TNKS2: variants seen among roughly 807,000 people sequenced by gnomAD.
The protein encoded by TNKS2 is tankyrase 2.
In TNKS2, 72 loss-of-function variants were observed where a neutral mutation model predicts 137.6. The ratio of observed to expected loss-of-function variants is 0.52; its 90% confidence interval spans 0.43 to 0.64. TNKS2 has a LOEUF of 0.64. Among genes scored for constraint, TNKS2 ranks in the 30% least tolerant of loss-of-function variants. The pLI, the probability that TNKS2 is intolerant of heterozygous loss-of-function variation, is 0.00. For missense variants in TNKS2, 1,049 were observed against 1,410.2 expected (o/e 0.74, Z 4.10); for synonymous variants, 516 against 512.1 (o/e 1.01, Z -0.10).
chr10:91,799,160 C>G (rs1195944370), intron 1 of TNKS2, among the ~76,000 whole-genome samples: 2 of 151,982 alleles, frequency 1.3e-5, no homozygotes, highest in Non-Finnish European at 2.9e-5. Context: ...TTTACAGTAT[C>G]AACAATACCT....
At chr10:91,854,879 CAA>C (rs1010698035) in intron 21 of TNKS2, 148 bp from the exon 22 acceptor site, 1 of 472,798 alleles carries the variant, frequency 2.1e-6, no homozygotes, top group Non-Finnish European at 3.6e-6. Context: ...GCCTGGGCAA[CAA>C]GAGTGAAACT....
rs1842916474 is a variant in TNKS2 at position 91,863,981 on chromosome 10, A to AG, written c.*986dup. The AG allele has an allele frequency of 6.6e-6, 1 of 152,004 alleles. No homozygotes were observed. The highest frequency in any genetic ancestry group is 6.6e-5 in the Admixed American group (1 of 15,252). 9.4% of individuals were successfully genotyped at this position (152,004 alleles called of 1,614,324 possible). A position where few individuals can be genotyped will look rare whatever the true frequency, so the allele number is the denominator to read the frequency against. ...TCTATTCTAATTACCTTAAATCTAA[A>AG]GGGGAAAAAAAAAATCACAAACAGG... On this transcript the variant is annotated 3_prime_UTR_variant, in exon 27 of 27. Transcript: ENST00000371627.
chr10:91,840,939 T>C (rs1842191178), intron 14 of TNKS2, among the ~76,000 whole-genome samples: 1 of 152,216 alleles, frequency 6.6e-6, no homozygotes, highest in South Asian at 2.1e-4. Context: ...GATTATAACA[T>C]TAGTGTGATA....
At chr10:91,841,229 TTTAAA>T (rs1402582110) in intron 14 of TNKS2, 49 bp from the exon 15 acceptor site, 2 of 1,382,208 alleles carry the variant, frequency 1.4e-6, no homozygotes, top group South Asian at 1.7e-5. Flanking sequence ...TATGTAATTA[TTTAAA>T]TTAAAACATG....
In TNKS2 at chr10:91,848,519, C is replaced by T. The variant is rs777990706; in HGVS notation, c.2495C>T (p.Pro832Leu). The part of the protein sequence containing the change: ...ADALSSGPSS[P>L]SSLSAASSLD... ...GCTCTCTCTTCAGGTCCATCTAGCCCATCAAGCCTTTCTGCAGCCAGCAGT... is the reference window on the plus strand; with the variant it reads ...GCTCTCTCTTCAGGTCCATCTAGCCTATCAAGCCTTTCTGCAGCCAGCAGT... The change falls in exon 19 of 27, where the codon CCA (proline) becomes CTA (leucine). Residue 832 changes from proline to leucine, a missense_variant. Coordinates refer to ENST00000371627, the MANE Select transcript of TNKS2 (RefSeq NM_025235.4). 3 of 1,614,142 alleles carry T rather than the reference C, an allele frequency of 1.9e-6. No individual in the cohort carries two copies. Among genetic ancestry groups the T allele is most frequent in the Non-Finnish European group, 1.7e-6 (2 of 1,180,030 alleles).
At chr10:91,814,861 C>T (rs1232691131) in intron 2 of TNKS2, among the ~76,000 whole-genome samples, 1 of 152,182 alleles carries the variant, frequency 6.6e-6, no homozygotes, top group Non-Finnish European at 1.5e-5. Flanking sequence ...GAGTATATCC[C>T]TGTCATTAAG....
intron 1 of TNKS2, among the ~76,000 whole-genome samples, chr10:91,806,269 G>A (rs17107070): frequency 8.6e-5 from 13 of 151,906 alleles, no homozygotes; most frequent in African/African-American, 3.1e-4. Flanking sequence ...ATCAAATATC[G>A]TACTTCTAGT....
intron 1 of TNKS2, among the ~76,000 whole-genome samples, chr10:91,808,973 C>T (rs1844412873): frequency 1.3e-5 from 2 of 152,068 alleles, no homozygotes. Flanking sequence ...TCTTCCATTA[C>T]TGAGGCCAAA....
chr10:91,832,747 A>G (rs1336923867), intron 11 of TNKS2, among the ~76,000 whole-genome samples: 1 of 152,156 alleles, frequency 6.6e-6, no homozygotes, highest in Non-Finnish European at 1.5e-5. Flanking sequence ...GCTATGTTGA[A>G]TAATTATTTC....
intron 13 of TNKS2, among the ~76,000 whole-genome samples, chr10:91,839,676 T>G (rs1842149514): frequency 6.6e-6 from 1 of 152,182 alleles, no homozygotes; most frequent in South Asian, 2.1e-4. Context: ...ACCCAAGAAC[T>G]TGTTAGAAGT....
At chr10:91,827,229 G>T in intron 8 of TNKS2, 26 bp downstream of exon 8, 1 of 1,453,312 alleles carries the variant, frequency 6.9e-7, no homozygotes, top group African/African-American at 1.4e-5. Flanking sequence ...TGAATGTTCA[G>T]GTAGGATATT....
intron 7 of TNKS2, among the ~76,000 whole-genome samples, chr10:91,826,626 G>A (rs1564614017): frequency 6.6e-6 from 1 of 152,176 alleles, no homozygotes; most frequent in South Asian, 2.1e-4. Flanking sequence ...ACATTCTGGG[G>A]TAATGAAAGT....
intron 1 of TNKS2, among the ~76,000 whole-genome samples, chr10:91,810,953 T>G (rs1427341164): frequency 8.2e-6 from 1 of 122,054 alleles, no homozygotes; most frequent in Non-Finnish European, 1.6e-5. Context: ...TGAGATGGAG[T>G]CTCACTCTGT....
Position 91,827,132 on chromosome 10 carries a change from C to T in TNKS2, c.911C>T (p.Thr304Ile), listed in dbSNP as rs1425733284. The T allele has an allele frequency of 3.1e-6, 5 of 1,608,876 alleles. No individual in the cohort carries two copies. The highest frequency in any genetic ancestry group is 4.2e-6 in the Non-Finnish European group (5 of 1,177,406). Residue 304 changes from threonine (T) to isoleucine (I), a missense_variant, in exon 8 of 27, where the codon ACA (threonine) becomes ATA (isoleucine). Physicochemically the swap from Thr to Ile is moderately conservative, Grantham distance 89. Around this residue, in one of 6 missense-constraint regions of TNKS2, gnomAD observed 374 missense variants for 460.8 expected, o/e 0.81. Coordinates refer to ENST00000371627, the MANE Select transcript of TNKS2 (RefSeq NM_025235.4). ...SLLLSYGADPTLLNCHNKSAI... is the reference protein window; with the variant it reads ...SLLLSYGADPILLNCHNKSAI... ...CTCTTAAGTTATGGTGCAGACCCAA[C>T]ACTGCTCAATTGTCACAATAAAAGT...
intron 12 of TNKS2, among the ~76,000 whole-genome samples, chr10:91,834,818 T>C (rs1027782460): frequency 4.6e-5 from 7 of 152,220 alleles, no homozygotes; most frequent in African/African-American, 7.2e-5. Context: ...GTTTTTGGGA[T>C]AATAACACTG....
chr10:91,839,051 T>C (rs1178948386), intron 13 of TNKS2, among the ~76,000 whole-genome samples: 1 of 152,118 alleles, frequency 6.6e-6, no homozygotes, highest in Non-Finnish European at 1.5e-5. Flanking sequence ...GTATTTTTAG[T>C]AGAGACGGTT....
intron 1 of TNKS2, among the ~76,000 whole-genome samples, chr10:91,802,171 A>G (rs535053240): frequency 3.1e-4 from 47 of 152,358 alleles, no homozygotes; most frequent in African/African-American, 1.0e-3. Context: ...AGGACCAGTT[A>G]GACCGGACTT....
At chr10:91,822,519 T>C (rs1844923569) in intron 7 of TNKS2, among the ~76,000 whole-genome samples, 157 bp downstream of exon 7, 1 of 152,130 alleles carries the variant, frequency 6.6e-6, no homozygotes, top group African/African-American at 2.4e-5. Context: ...GACTGATAGC[T>C]CAGCATTTGA....
intron 13 of TNKS2, among the ~76,000 whole-genome samples, chr10:91,838,038 T>G (rs895357190): frequency 1.2e-4 from 10 of 82,346 alleles, no homozygotes; most frequent in African/African-American, 3.1e-4. Context: ...ATTAGCTGAT[T>G]TTTTTTTTTT....
Sources: allele counts gnomAD v4.1 joint callset (sites outside exome capture counted in the v4.1 genomes callset), GRCh38; gene constraint gnomAD v4.1.1; regional missense constraint gnomAD v4.1.1; transcripts MANE v1.5; gene names NCBI Gene and HGNC (gene_info 2026-07-23, HGNC 2026-07-21).